ZNF521: variants seen among roughly 807,000 people sequenced by gnomAD.
The protein encoded by ZNF521 is zinc finger protein 521.
ZNF521 carries 14 observed loss-of-function variants against 105.5 expected under a neutral mutation model. That is an observed-to-expected ratio of 0.13 (90% CI 0.09 to 0.21). ZNF521 has a LOEUF of 0.21. ZNF521 is among the 10% of genes least tolerant of loss of function. ZNF521 has a pLI of 1.00. For missense variants in ZNF521, 1,233 were observed against 1,629.7 expected (o/e 0.76, Z 4.19); for synonymous variants, 635 against 606.0 (o/e 1.05, Z -0.70).
At chr18:25,347,636 G>A (rs1914521023) in intron 2 of ZNF521, among the ~76,000 whole-genome samples, 1 of 152,128 alleles carries the variant, frequency 6.6e-6, no homozygotes, top group Non-Finnish European at 1.5e-5. Context: ...AAAAAACCCA[G>A]CATACTTTTT....
chr18:25,077,951 C>A (rs1014622659), intron 7 of ZNF521, among the ~76,000 whole-genome samples: 1 of 151,890 alleles, frequency 6.6e-6, no homozygotes, highest in African/African-American at 2.4e-5. Context: ...AAAAAAAAAA[C>A]ATTTACTCTG....
At chr18:25,127,264 T>TA (rs1270590041) in intron 5 of ZNF521, among the ~76,000 whole-genome samples, 2 of 151,986 alleles carry the variant, frequency 1.3e-5, no homozygotes, top group East Asian at 3.8e-4. Context: ...GATTTAGATT[T>TA]TGATCTGTAG....
At chr18:25,117,056 C>T (rs79045056) in intron 5 of ZNF521, among the ~76,000 whole-genome samples, 99 of 8,802 alleles carry the variant, frequency 0.011, no homozygotes, top group Non-Finnish European at 0.079. Flanking sequence ...CATATATATA[C>T]ACACACACAC....
chr18:25,333,363 C>T (rs536709836), intron 2 of ZNF521, among the ~76,000 whole-genome samples: 1 of 150,952 alleles, frequency 6.6e-6, no homozygotes, highest in African/African-American at 2.4e-5. Context: ...AATATATACG[C>T]GGAGGGAGCA....
intron 5 of ZNF521, among the ~76,000 whole-genome samples, chr18:25,133,022 G>C (rs2034669211): frequency 6.6e-6 from 1 of 152,266 alleles, no homozygotes. Context: ...CTGTTGGATG[G>C]GCGGTCTTGG....
intron 2 of ZNF521, among the ~76,000 whole-genome samples, chr18:25,325,122 G>A (rs1913143140): frequency 6.6e-6 from 1 of 152,194 alleles, no homozygotes; most frequent in African/African-American, 2.4e-5. Flanking sequence ...TGATGCCTTG[G>A]TGTAATGAGT....
chr18:25,285,404 T>G (rs1343093976), intron 3 of ZNF521, among the ~76,000 whole-genome samples: 9 of 152,236 alleles, frequency 5.9e-5, no homozygotes, highest in Non-Finnish European at 1.2e-4. Context: ...CAGGAGCCTT[T>G]GCTCCCACTG....
intron 3 of ZNF521, among the ~76,000 whole-genome samples, chr18:25,265,747 C>A (rs999869109): frequency 2.0e-5 from 3 of 152,202 alleles, no homozygotes; most frequent in Admixed American, 1.3e-4. Context: ...ATGCTTGCTG[C>A]AGCACTGTTG....
chr18:25,284,922 A>G (rs1910608273), intron 3 of ZNF521, among the ~76,000 whole-genome samples: 1 of 151,966 alleles, frequency 6.6e-6, no homozygotes, highest in Admixed American at 6.5e-5. Flanking sequence ...ACACACACAC[A>G]CACACACACA....
chr18:25,279,827 T>C (rs934901268), intron 3 of ZNF521, among the ~76,000 whole-genome samples: 7 of 152,150 alleles, frequency 4.6e-5, no homozygotes, highest in Non-Finnish European at 1.0e-4. Context: ...GAACCCTCCA[T>C]GGAATTATAT....
chr18:25,185,666 G>A (rs2035708364), intron 5 of ZNF521, among the ~76,000 whole-genome samples: 1 of 152,100 alleles, frequency 6.6e-6, no homozygotes, highest in African/African-American at 2.4e-5. Flanking sequence ...TAGAAGCAGT[G>A]CATCCCACCC....
intron 5 of ZNF521, among the ~76,000 whole-genome samples, chr18:25,168,783 C>T (rs916904337): frequency 6.6e-6 from 1 of 152,134 alleles, no homozygotes; most frequent in African/African-American, 2.4e-5. Context: ...ACATATACAC[C>T]ACTCTGTGTC....
chr18:25,251,391 A>G (rs1908105234), intron 3 of ZNF521, among the ~76,000 whole-genome samples: 1 of 152,204 alleles, frequency 6.6e-6, no homozygotes, highest in African/African-American at 2.4e-5. Flanking sequence ...CCCAGGATTT[A>G]TTAGAATTGC....
chr18:25,099,837 A>G (rs1772913323), intron 5 of ZNF521, among the ~76,000 whole-genome samples: 1 of 152,246 alleles, frequency 6.6e-6, no homozygotes, highest in Admixed American at 6.5e-5. Context: ...AGTACTGTAC[A>G]AAACCCCCAC....
chr18:25,062,752 C>CAAATAAAA lies in ZNF521; in HGVS notation c.3907-12_3907-11insTTTTATTT. 2.8e-6 allele frequency: 1 copy of CAAATAAAA among 359,496 alleles called. No individual in the cohort carries two copies. Among genetic ancestry groups the CAAATAAAA allele is most frequent in the Non-Finnish European group, 4.3e-6 (1 of 234,470 alleles). 22.3% of individuals were successfully genotyped at this position (359,496 alleles called of 1,614,324 possible). On this transcript the variant is annotated splice_polypyrimidine_tract_variant and intron_variant, in intron 7 of 7. Coordinates refer to ENST00000361524, the MANE Select transcript of ZNF521 (RefSeq NM_015461.3). ...GGTCATTGTATGATTCTGTAAATAA[C>CAAATAAAA]AAAAAAAAAAAAAAAAAAAAAAAAA...
At chr18:25,152,961 C>T (rs890210304) in intron 5 of ZNF521, among the ~76,000 whole-genome samples, 7 of 152,062 alleles carry the variant, frequency 4.6e-5, no homozygotes, top group South Asian at 4.1e-4. Context: ...AAATCTGACC[C>T]GAAATACCCC....
At chr18:25,145,739 T>C (rs903604683) in intron 5 of ZNF521, among the ~76,000 whole-genome samples, 1 of 152,192 alleles carries the variant, frequency 6.6e-6, no homozygotes, top group African/African-American at 2.4e-5. Context: ...CTTCTACCTA[T>C]TCAAAACACA....
chr18:25,254,231 A>T (rs1568037161), intron 3 of ZNF521, among the ~76,000 whole-genome samples: 3 of 152,114 alleles, frequency 2.0e-5, no homozygotes, highest in Non-Finnish European at 2.9e-5. Flanking sequence ...ATAAAAATCA[A>T]TGAAGCAAGG....
intron 5 of ZNF521, among the ~76,000 whole-genome samples, chr18:25,120,323 C>T (rs559546167): frequency 6.6e-6 from 1 of 152,306 alleles, no homozygotes; most frequent in Admixed American, 6.5e-5. Flanking sequence ...TGGCTCACAC[C>T]TGTAATCCCA....
Sources: gnomAD v4.1 joint callset for allele counts (sites outside exome capture counted in the v4.1 genomes callset) on GRCh38, gnomAD v4.1.1 for gene constraint, MANE v1.5 for transcripts, NCBI Gene and HGNC (gene_info 2026-07-23, HGNC 2026-07-21) for gene names.